MTUS2: variants seen among roughly 807,000 people sequenced by gnomAD.
MTUS2 encodes the protein microtubule-associated tumor suppressor candidate 2.
Under a neutral mutation model 114.1 loss-of-function variants are expected in MTUS2, and 40 were observed. The ratio of observed to expected loss-of-function variants is 0.35; its 90% CI spans 0.27 to 0.46. MTUS2 has a LOEUF of 0.46. Among genes scored for constraint, MTUS2 ranks in the 20% least tolerant of loss-of-function variants. The probability of loss-of-function intolerance (pLI) is 1.00; values close to 1 mark genes in which losing one functional copy is unlikely to be tolerated. For synonymous variants in MTUS2, 688 were observed against 672.0 expected (o/e 1.02, Z -0.37); for missense variants, 1,679 against 1,705.4 (o/e 0.98, Z 0.27).
At chr13:29,350,250 A>G (rs1869112109) in intron 7 of MTUS2, among the ~76,000 whole-genome samples, 1 of 151,786 alleles carries the variant, frequency 6.6e-6, no homozygotes, top group African/African-American at 2.4e-5. Context: ...GAAATCAGCT[A>G]GGCTGAGTTC....
intron 8 of MTUS2, among the ~76,000 whole-genome samples, chr13:29,368,688 A>C (rs895712983): frequency 6.6e-6 from 1 of 152,238 alleles, no homozygotes; most frequent in African/African-American, 2.4e-5. Context: ...ATCCCTCCAG[A>C]GCTGGTACAG....
intron 8 of MTUS2, among the ~76,000 whole-genome samples, chr13:29,411,858 C>T (rs182060174): frequency 2.6e-5 from 4 of 152,288 alleles, no homozygotes; most frequent in African/African-American, 9.6e-5. Context: ...TGGACTTTCT[C>T]TTCCATTGCG....
At chr13:29,057,276 TTTAG>T (rs1483418766) in intron 4 of MTUS2, among the ~76,000 whole-genome samples, 2 of 152,022 alleles carry the variant, frequency 1.3e-5, no homozygotes, top group Non-Finnish European at 1.5e-5. Context: ...ATGTTGTGTT[TTTAG>T]TTAGAGAGTT....
chr13:29,393,698 G>T (rs527531934), intron 8 of MTUS2, among the ~76,000 whole-genome samples: 1 of 152,144 alleles, frequency 6.6e-6, no homozygotes, highest in African/African-American at 2.4e-5. Context: ...ACGCATGCCC[G>T]TGACACAGCC....
chr13:29,330,608 T>G (rs569127965), intron 7 of MTUS2, among the ~76,000 whole-genome samples: 32 of 152,248 alleles, frequency 2.1e-4, no homozygotes, highest in Non-Finnish European at 3.2e-4. Flanking sequence ...GTTAATATTT[T>G]TGTAAGATGT....
chr13:29,104,205 A>G (rs1242274350), intron 5 of MTUS2, among the ~76,000 whole-genome samples: 1 of 152,216 alleles, frequency 6.6e-6, no homozygotes, highest in Non-Finnish European at 1.5e-5. Context: ...GTGGCAAACA[A>G]GACAGGCACA....
chr13:29,105,230 A>G (rs1271420719), intron 5 of MTUS2, among the ~76,000 whole-genome samples: 3 of 152,244 alleles, frequency 2.0e-5, no homozygotes, highest in African/African-American at 7.2e-5. Flanking sequence ...GTACTTCGTT[A>G]TCACATTAAT....
At chr13:28,866,406 T>C (rs1260879863) in intron 2 of MTUS2, among the ~76,000 whole-genome samples, 1 of 152,192 alleles carries the variant, frequency 6.6e-6, no homozygotes, top group African/African-American at 2.4e-5. Flanking sequence ...ACGGAGAGCA[T>C]GATAGTAGCG....
rs558716133 is a variant in MTUS2 at position 29,156,214 on chromosome 13, A to G, written c.2644+55244A>G. Among the ~76,000 whole-genome samples, 4 of 152,260 alleles carry G rather than the reference A, an allele frequency of 2.6e-5. No homozygotes were observed. In the South Asian group the frequency reaches 8.3e-4, roughly 32 times the overall value. ...ATGTTAAGATGTTTGTAAGAATTGA[A>G]TTATAAGTGATTATAAGTCTGATTC... On this transcript the variant is annotated intron_variant, in intron 5 of 15. Coordinates refer to ENST00000612955, the MANE Select transcript of MTUS2 (RefSeq NM_001033602.4).
Position 29,099,440 on chromosome 13 carries a change from AGCTGCTGGCAGAGG to A in MTUS2, c.2447-1332_2447-1319del. On this transcript the variant is annotated intron_variant, in intron 4 of 15. Transcript: ENST00000612955. ...CTCTCCATAGCCTCACTTTCGGGGGAGCTGCTGGCAGAGGAAGAGGTACTTTTCTATGTACCATT... is the reference window on the plus strand; with the variant it reads ...CTCTCCATAGCCTCACTTTCGGGGGAAAGAGGTACTTTTCTATGTACCATT... Among the ~76,000 whole-genome samples the A allele has an allele frequency of 2.6e-5, 4 of 152,190 alleles. No individual in the cohort carries two copies. The South Asian group carries it at 8.3e-4, about 32-fold the overall frequency.
intron 5 of MTUS2, among the ~76,000 whole-genome samples, chr13:29,168,755 A>G (rs868115454): frequency 1.4e-4 from 21 of 152,162 alleles, no homozygotes; most frequent in Non-Finnish European, 2.5e-4. Context: ...CCTTAGTACC[A>G]GTATTCCAGG....
chr13:28,876,058 G>A (rs1003823691), intron 2 of MTUS2, among the ~76,000 whole-genome samples: 1 of 152,170 alleles, frequency 6.6e-6, no homozygotes, highest in Admixed American at 6.5e-5. Flanking sequence ...CTCTGAGGAG[G>A]GTGGTAGCTC....
chr13:29,127,728 G>A (rs139303929), intron 5 of MTUS2, among the ~76,000 whole-genome samples: 5 of 152,300 alleles, frequency 3.3e-5, no homozygotes, highest in Non-Finnish European at 5.9e-5. Flanking sequence ...TGGCTGCACC[G>A]GGCCCCGCTT....
chr13:29,325,876 T>C (rs1367415109), intron 7 of MTUS2, among the ~76,000 whole-genome samples: 1 of 152,198 alleles, frequency 6.6e-6, no homozygotes, highest in Non-Finnish European at 1.5e-5. Context: ...AGGTGATAAG[T>C]AGTAGAGCCT....
intron 7 of MTUS2, among the ~76,000 whole-genome samples, chr13:29,328,572 G>C (rs1005591736): frequency 2.0e-5 from 3 of 152,198 alleles, no homozygotes; most frequent in African/African-American, 7.2e-5. Context: ...GGGGGTTGTG[G>C]AGACCAAGGT....
chr13:29,178,086 T>G (rs185719694), intron 5 of MTUS2, among the ~76,000 whole-genome samples: 1 of 152,310 alleles, frequency 6.6e-6, no homozygotes, highest in Non-Finnish European at 1.5e-5. Flanking sequence ...TCATGGGAGC[T>G]CTTTCTACTC....
At chr13:28,862,725 C>T (rs759847400) in intron 2 of MTUS2, among the ~76,000 whole-genome samples, 7 of 152,126 alleles carry the variant, frequency 4.6e-5, no homozygotes, top group Non-Finnish European at 8.8e-5. Flanking sequence ...GGTATATTCC[C>T]TTGGTGAATT....
intron 5 of MTUS2, among the ~76,000 whole-genome samples, chr13:29,141,309 A>C (rs1003898529): frequency 1.3e-5 from 2 of 152,180 alleles, no homozygotes; most frequent in Non-Finnish European, 2.9e-5. Context: ...CCAGGAGCAC[A>C]AGAGAGGAGT....
chr13:29,056,402 T>C (rs326513), intron 4 of MTUS2, among the ~76,000 whole-genome samples: 55,153 of 151,940 alleles, frequency 0.36, 10,175 homozygotes, highest in Admixed American at 0.4. Context: ...TGGAATAGTT[T>C]CAGTGGAAAT....
Sources: gnomAD v4.1 joint callset for allele counts (sites outside exome capture counted in the v4.1 genomes callset) on GRCh38, gnomAD v4.1.1 for gene constraint, MANE v1.5 for transcripts, NCBI Gene and HGNC (gene_info 2026-07-23, HGNC 2026-07-21) for gene names.